The following SUGCT variants were observed in gnomAD, a reference collection of about 807,000 sequenced individuals.
SUGCT encodes the protein succinyl-CoA:glutarate CoA-transferase.
In SUGCT, 41 loss-of-function variants were observed where a neutral mutation model predicts 55.0. The ratio of observed to expected loss-of-function variants is 0.74; its 90% CI spans 0.58 to 0.97. The LOEUF is 0.97. Ranked by LOEUF, SUGCT falls within the 50% of genes least tolerant of loss-of-function variation. The pLI, the probability that SUGCT is intolerant of heterozygous loss-of-function variation, is 0.00. For synonymous variants in SUGCT, 187 were observed against 200.4 expected (o/e 0.93, Z 0.56); for missense variants, 568 against 547.8 (o/e 1.04, Z -0.37).
At chr7:40,337,531 T>C (rs1796783794) in intron 9 of SUGCT, among the ~76,000 whole-genome samples, 1 of 152,218 alleles carries the variant, frequency 6.6e-6, no homozygotes. Context: ...TTGATCTTTG[T>C]TGGTTTAAAG....
chr7:40,871,927 G>A, the SUGCT span, among the ~76,000 whole-genome samples: 2 of 152,246 alleles, frequency 1.3e-5, no homozygotes, highest in South Asian at 4.1e-4. Context: ...TAGACCAGTG[G>A]TTCTCTGGGA....
intron 7 of SUGCT, among the ~76,000 whole-genome samples, chr7:40,261,482 A>G (rs540900077): frequency 6.6e-6 from 1 of 152,322 alleles, no homozygotes; most frequent in Non-Finnish European, 1.5e-5. Flanking sequence ...CATGTATCCC[A>G]ACATATGTAC....
At chr7:40,978,792 C>T in the SUGCT span, among the ~76,000 whole-genome samples, 3 of 152,058 alleles carry the variant, frequency 2.0e-5, no homozygotes, top group African/African-American at 2.4e-5. Context: ...GGAGTGGAGG[C>T]GATGAAGCCC....
At chr7:40,370,188 C>A (rs1348315950) in intron 9 of SUGCT, among the ~76,000 whole-genome samples, 7 of 152,150 alleles carry the variant, frequency 4.6e-5, no homozygotes. Context: ...AAAGTTGTCT[C>A]ATCACATCTG....
chr7:40,904,776 G>T, the SUGCT span, among the ~76,000 whole-genome samples: 28 of 152,048 alleles, frequency 1.8e-4, no homozygotes, highest in Non-Finnish European at 3.4e-4. Flanking sequence ...TTAGGTTTAG[G>T]GAAGTAAGTA....
At chr7:41,008,284 A>AC in the SUGCT span, among the ~76,000 whole-genome samples, 5 of 151,750 alleles carry the variant, frequency 3.3e-5, no homozygotes, top group South Asian at 1.0e-3. Flanking sequence ...GCTTTCTTCC[A>AC]CCCCACGCTC....
intron 11 of SUGCT, among the ~76,000 whole-genome samples, chr7:40,477,229 T>G (rs956056150): frequency 1.9e-4 from 29 of 152,270 alleles, no homozygotes; most frequent in Admixed American, 1.8e-3. Flanking sequence ...TGAGTGATAG[T>G]TCTGTAAATA....
chr7:40,988,383 G>A, the SUGCT span, among the ~76,000 whole-genome samples: 2 of 151,450 alleles, frequency 1.3e-5, no homozygotes, highest in East Asian at 3.9e-4. Context: ...TCCTCTCCAG[G>A]AGCAGATTCT....
chr7:40,327,510 T>A (rs1796078501), intron 9 of SUGCT, among the ~76,000 whole-genome samples: 1 of 152,170 alleles, frequency 6.6e-6, no homozygotes, highest in Admixed American at 6.5e-5. Context: ...AAAGAATAAA[T>A]GCACTTACAA....
At chr7:40,719,269 C>T (rs1786190131) in intron 12 of SUGCT, among the ~76,000 whole-genome samples, 2 of 152,188 alleles carry the variant, frequency 1.3e-5, no homozygotes, top group African/African-American at 4.8e-5. Flanking sequence ...TTCCTCAGTC[C>T]TCTGTATCCT....
At chr7:40,551,117 C>G (rs1795275031) in intron 12 of SUGCT, among the ~76,000 whole-genome samples, 1 of 152,134 alleles carries the variant, frequency 6.6e-6, no homozygotes, top group African/African-American at 2.4e-5. Flanking sequence ...AGTGGGCATG[C>G]TCTTTGCCCA....
intron 9 of SUGCT, among the ~76,000 whole-genome samples, chr7:40,320,440 A>G (rs773107506): frequency 6.6e-6 from 1 of 152,166 alleles, no homozygotes; most frequent in African/African-American, 2.4e-5. Flanking sequence ...TTAAACAATT[A>G]TACTTAAAGA....
chr7:40,354,233 G>A (rs1797778582), intron 9 of SUGCT, among the ~76,000 whole-genome samples: 1 of 152,250 alleles, frequency 6.6e-6, no homozygotes, highest in Middle Eastern at 3.4e-3. Flanking sequence ...TGGATTTATT[G>A]GTTGCGGGGC....
At chr7:40,903,094 C>T in the SUGCT span, among the ~76,000 whole-genome samples, 14 of 150,428 alleles carry the variant, frequency 9.3e-5, no homozygotes, top group Admixed American at 4.6e-4. Flanking sequence ...TGCAGTGGTG[C>T]GATCTCGGCT....
chr7:40,673,722 T>C (rs1802056057), intron 12 of SUGCT, among the ~76,000 whole-genome samples: 1 of 152,180 alleles, frequency 6.6e-6, no homozygotes, highest in South Asian at 2.1e-4. Flanking sequence ...TTAATAAATA[T>C]GAGGGGACTA....
chr7:40,462,532 C>A (rs1363724836), intron 11 of SUGCT, among the ~76,000 whole-genome samples: 1 of 152,076 alleles, frequency 6.6e-6, no homozygotes, highest in African/African-American at 2.4e-5. Flanking sequence ...AGGGAGTGCT[C>A]TACCTAGTAG....
chr7:40,553,987 A>T (rs1460461067), intron 12 of SUGCT, among the ~76,000 whole-genome samples: 1 of 152,216 alleles, frequency 6.6e-6, no homozygotes, highest in Non-Finnish European at 1.5e-5. Context: ...TGTTAGGAGG[A>T]TTAAATTAAA....
chr7:40,865,225 G>C (rs1371147648), downstream of SUGCT, among the ~76,000 whole-genome samples: 1 of 151,702 alleles, frequency 6.6e-6, no homozygotes, highest in Non-Finnish European at 1.5e-5. Context: ...CGCACACAGA[G>C]TTATAGATCC....
chr7:40,518,743 C>T (rs1793380010), intron 12 of SUGCT, among the ~76,000 whole-genome samples: 3 of 151,878 alleles, frequency 2.0e-5, no homozygotes, highest in African/African-American at 7.3e-5. Context: ...TAAAATATGT[C>T]TGAAAGTCTA....
Sources: gnomAD v4.1 joint callset for allele counts (sites outside exome capture counted in the v4.1 genomes callset) on GRCh38, gnomAD v4.1.1 for gene constraint, MANE v1.5 for transcripts, NCBI Gene and HGNC (gene_info 2026-07-23, HGNC 2026-07-21) for gene names.